SPOCD1: variants seen among roughly 807,000 people sequenced by gnomAD.
SPOCD1 encodes SPOC domain-containing protein 1.
In SPOCD1, 64 loss-of-function variants were observed where a neutral mutation model predicts 92.2. The observed-to-expected ratio is 0.69, with a 90% CI of 0.57 to 0.86. The LOEUF (loss-of-function observed/expected upper bound fraction) is 0.86, where lower values mean the gene tolerates loss of function less well. SPOCD1 is among the 40% of genes least tolerant of loss of function. SPOCD1 has a pLI of 0.00. For missense variants in SPOCD1, 1,360 were observed against 1,543.1 expected (o/e 0.88, Z 1.99); for synonymous variants, 578 against 619.3 (o/e 0.93, Z 0.99).
At chr1:31,815,732 T>C (rs1649517380) in intron 1 of SPOCD1, 1 of 127,748 alleles carries the variant, frequency 7.8e-6, no homozygotes. Context: ...TCTGAGATGT[T>C]AAGACACTCA....
At position 31,814,348 on chromosome 1, in the gene SPOCD1, C is replaced by T. The variant is rs766451931; in HGVS notation, c.986G>A (p.Cys329Tyr). 57 of 1,585,608 alleles carry T rather than the reference C, an allele frequency of 3.6e-5. 1 individual carries two copies. Among genetic ancestry groups the T allele is most frequent in the Middle Eastern group, 1.7e-4 (1 of 5,966 alleles). Residue 329 changes from cysteine (C) to tyrosine (Y), a missense_variant, in exon 2 of 16, where the codon TGC becomes TAC. Around this residue, in one of 3 missense-constraint regions of SPOCD1, gnomAD observed 606 missense variants for 601.5 expected, o/e 1.01. Transcript: ENST00000360482. This position sits in a 1 kb window ranked among gnomAD's most constrained non-coding sequence, Gnocchi z 4.2. ...AQAPPQSAALCLGASAQASAE... is the reference protein window; with the variant it reads ...AQAPPQSAALYLGASAQASAE... ...AGAGGCCTGTGCTGACGCCCCCAGG[C>T]ACAGTGCTGCGCTCTGTGGAGGAGC...
At chr1:31,804,270 C>T (rs1031175035) in intron 2 of SPOCD1, among the ~76,000 whole-genome samples, 1 of 152,190 alleles carries the variant, frequency 6.6e-6, no homozygotes, top group Non-Finnish European at 1.5e-5. Context: ...AACTAAGGCA[C>T]ATAGAGGCAC....
rs1570171904 is a variant in SPOCD1 at position 31,800,345 on chromosome 1, A to G, written c.1602+96T>C. 3.5e-6 allele frequency: 5 copies of G among 1,441,120 alleles called. No individual in the cohort carries two copies. The East Asian group carries it at 1.2e-4, about 36-fold the overall frequency. 89.3% of individuals were successfully genotyped at this position (1,441,120 alleles called of 1,614,324 possible). On this transcript the variant is annotated intron_variant, in intron 4 of 15. Coordinates refer to ENST00000360482, the MANE Select transcript of SPOCD1 (RefSeq NM_144569.7). The stretch of plus-strand genomic sequence containing the variant: ...TGGCTATTCTGAATGACCGCGAGCA[A>G]GTGGCACCCTCTCTCTGAGCCTCAG...
intron 5 of SPOCD1, 55 bp downstream of exon 5, chr1:31,799,961 C>T: frequency 6.2e-7 from 1 of 1,611,226 alleles, no homozygotes; most frequent in Non-Finnish European, 8.5e-7. Context: ...CTCCCACGTC[C>T]TCCCTGACCC....
chr1:31,809,418 G>A (rs766229919), intron 2 of SPOCD1, among the ~76,000 whole-genome samples: 20 of 152,006 alleles, frequency 1.3e-4, no homozygotes, highest in Non-Finnish European at 1.5e-5. Flanking sequence ...AGTTGAAGAT[G>A]TGTCCACTCT....
chr1:31,807,026 CA>C (rs935005976), intron 2 of SPOCD1, among the ~76,000 whole-genome samples: 3 of 152,040 alleles, frequency 2.0e-5, no homozygotes, highest in Admixed American at 6.6e-5. Context: ...ACCAACTTCT[CA>C]GACCACAATA....
At chr1:31,793,150 C>CA in intron 13 of SPOCD1, 128 bp downstream of exon 13, 1 of 1,232,098 alleles carries the variant, frequency 8.1e-7, no homozygotes, top group Non-Finnish European at 1.1e-6. Context: ...ATGCCCTGCA[C>CA]AGGGCCAGGC....
At position 31,814,697 on chromosome 1, in the gene SPOCD1, C is replaced by T; in HGVS notation, c.637G>A (p.Gly213Arg). 6.3e-7 allele frequency: 1 copy of T among 1,597,446 alleles called. No individual in the cohort carries two copies. Among genetic ancestry groups the T allele is most frequent in the Non-Finnish European group, 8.5e-7 (1 of 1,172,744 alleles). ...CCTTCCTCACACTCTGAATGAGCCC[C>T]TTGCCTCCTCCATTTCTTTCTTACC... Reference protein sequence around the residue: ...VRVRKKWRRQGAHSECEEGAG... With the variant: ...VRVRKKWRRQRAHSECEEGAG... Residue 213 changes from glycine (G) to arginine (R), a missense_variant, in exon 2 of 16, where the codon GGG becomes AGG. By Grantham distance (125) the Gly-to-Arg change is moderately radical. This residue lies in a region of SPOCD1 where 606 missense variants were observed against 601.5 expected (regional missense o/e 1.01). Transcript: ENST00000360482. This position sits in a 1 kb window ranked among gnomAD's most constrained non-coding sequence, Gnocchi z 4.2.
chr1:31,814,810 G>A lies in SPOCD1; in HGVS notation c.524C>T (p.Pro175Leu), dbSNP rs751118059. Residue 175 changes from proline (P) to leucine (L), a missense_variant, in exon 2 of 16, where the codon CCA (proline) becomes CTA (leucine). Coordinates refer to ENST00000360482, the MANE Select transcript of SPOCD1 (RefSeq NM_144569.7). This position sits in a 1 kb window ranked among gnomAD's most constrained non-coding sequence, Gnocchi z 4.2. The part of the protein sequence containing the change: ...REARDGGMSS[P>L]GCDRRSPTLS... ...TGTGGGGCTTCTTCTGTCACACCCT[G>A]GAGAACTCATTCCACCGTCTCTGGC... is the stretch of plus-strand genomic sequence containing the variant. 2.5e-6 allele frequency: 4 copies of A among 1,612,792 alleles called. No individual in the cohort carries two copies. The Admixed American group carries it at 6.7e-5, about 27-fold the overall frequency.
chr1:31,798,515 G>A lies in SPOCD1; in HGVS notation c.1955C>T (p.Thr652Ile). 8 of 1,614,020 alleles carry A rather than the reference G, an allele frequency of 5.0e-6. No homozygotes were observed. The highest frequency in any genetic ancestry group is 6.8e-6 in the Non-Finnish European group (8 of 1,180,026). ...CTTGTACCGGCCATTGGTGCCTTGT[G>A]TCAGGTCCCAGAGGGCTGCCTCAAT... The part of the protein sequence containing the change: ...AGIEAALWDL[T>I]QGTNGRYKTK... Residue 652 changes from threonine (T) to isoleucine (I), a missense_variant, in exon 8 of 16, where the codon ACA becomes ATA. Thr to Ile is a moderately conservative substitution (Grantham distance 89). Around this residue, in one of 3 missense-constraint regions of SPOCD1, gnomAD observed 614 missense variants for 757.8 expected, o/e 0.81. Coordinates refer to ENST00000360482, the MANE Select transcript of SPOCD1 (RefSeq NM_144569.7). This position sits in a 1 kb window ranked among gnomAD's most constrained non-coding sequence, Gnocchi z 4.1.
intron 10 of SPOCD1, chr1:31,796,350 T>C (rs1001809677): frequency 3.3e-6 from 2 of 611,880 alleles, no homozygotes; most frequent in Non-Finnish European, 5.8e-6. Context: ...TGTGGGGGCC[T>C]TGGGGTGAGG....
intron 5 of SPOCD1, 62 bp from the exon 6 acceptor site, chr1:31,799,925 C>T: frequency 6.2e-7 from 1 of 1,613,528 alleles, no homozygotes; most frequent in Middle Eastern, 1.7e-4. Flanking sequence ...GCCCAGGGGA[C>T]ACTGCTTCCT....
chr1:31,796,042 G>C, intron 10 of SPOCD1: 1 of 182,100 alleles, frequency 5.5e-6, no homozygotes, highest in Non-Finnish European at 1.2e-5. Flanking sequence ...GGAAGGAGCA[G>C]GATGGACATG....
In SPOCD1 at chr1:31,815,386, G is replaced by A. The variant is rs530314439; in HGVS notation, c.-39-14C>T. The A allele has an allele frequency of 2.3e-5, 34 of 1,489,986 alleles. No homozygotes were observed. In the South Asian group the frequency reaches 4.9e-4, roughly 21 times the overall value. The allele number at this position is 1,489,986 out of a possible 1,614,324, so 92.3% of individuals were successfully genotyped here. A position where few individuals can be genotyped will look rare whatever the true frequency, so the allele number is the denominator to read the frequency against. On this transcript the variant is annotated splice_polypyrimidine_tract_variant and intron_variant, in intron 1 of 15. Transcript: ENST00000360482. ...ACAACACGGGCCCTGTGTGGAGACA[G>A]AAAGAGGAGACTTTGTCTTGGAGAG...
intron 2 of SPOCD1, among the ~76,000 whole-genome samples, chr1:31,803,750 G>C (rs560919676): frequency 8.1e-4 from 122 of 149,898 alleles, no homozygotes; most frequent in Admixed American, 1.5e-3. Flanking sequence ...CAAAATAAAG[G>C]AAAGGAAAGG....
chr1:31,814,705 C>T lies in SPOCD1; in HGVS notation c.629G>A (p.Arg210Lys), dbSNP rs865802041. The T allele has an allele frequency of 1.6e-5, 26 of 1,604,114 alleles. 1 individual carries two copies. The African/African-American group carries it at 2.3e-4, about 14-fold the overall frequency. ...ACACTCTGAATGAGCCCCTTGCCTC[C>T]TCCATTTCTTTCTTACCCTCACAGG... ...PVPVRVRKKW[R>K]RQGAHSECEE... The change falls in exon 2 of 16, where the codon AGG (arginine) becomes AAG (lysine). Residue 210 changes from arginine (R) to lysine (K), a missense_variant. Coordinates refer to ENST00000360482, the MANE Select transcript of SPOCD1 (RefSeq NM_144569.7). This position sits in a 1 kb window ranked among gnomAD's most constrained non-coding sequence, Gnocchi z 4.2.
At chr1:31,796,805 C>G in intron 9 of SPOCD1, 90 bp from the exon 10 acceptor site, 3 of 1,576,138 alleles carry the variant, frequency 1.9e-6, no homozygotes, top group Non-Finnish European at 2.6e-6. Flanking sequence ...CTTGAGGCCC[C>G]TCTCTTGTGG....
intron 3 of SPOCD1, among the ~76,000 whole-genome samples, chr1:31,801,282 G>A (rs2149107570): frequency 6.6e-6 from 1 of 152,314 alleles, no homozygotes; most frequent in African/African-American, 2.4e-5. Flanking sequence ...TACCTTTCCA[G>A]GATTGGTAGA....
Position 31,790,974 on chromosome 1 carries a change from C to T in SPOCD1, c.3280G>A (p.Gly1094Arg). 1 of 1,577,890 alleles carries T rather than the reference C, an allele frequency of 6.3e-7. No homozygotes were observed. The highest frequency in any genetic ancestry group is 1.2e-5 in the South Asian group (1 of 85,640). The change falls in exon 16 of 16, where the codon GGG becomes AGG. Residue 1094 changes from glycine (G) to arginine (R), a missense_variant. Physicochemically the swap from Gly to Arg is moderately radical, Grantham distance 125 (BLOSUM62 -2). Around this residue, in one of 3 missense-constraint regions of SPOCD1, gnomAD observed 614 missense variants for 757.8 expected, o/e 0.81. Transcript: ENST00000360482. ...SAWQRPPRGR[G>R]RLWPEPENWQ... ...TTTTCAGGCTCTGGCCAGAGCCTCC[C>T]CCTGCCTCTGGGGGGCCTCTGCCAA...
Sources: allele counts gnomAD v4.1 joint callset (sites outside exome capture counted in the v4.1 genomes callset), GRCh38; gene constraint gnomAD v4.1.1; regional missense constraint gnomAD v4.1.1; non-coding constraint Gnocchi (gnomAD v3.1); transcripts MANE v1.5; gene names NCBI Gene and HGNC (gene_info 2026-07-23, HGNC 2026-07-21).